Variants in CUX1 observed in about 807,000 individuals in gnomAD.
CUX1 encodes the protein cut like homeobox 1, also known as protein CASP.
CUX1 carries 31 observed loss-of-function variants against 158.8 expected under a neutral mutation model. The ratio of observed to expected loss-of-function variants is 0.20; its 90% CI spans 0.15 to 0.26. The LOEUF (loss-of-function observed/expected upper bound fraction) is 0.26, where lower values mean the gene tolerates loss of function less well. Among genes scored for constraint, CUX1 ranks in the 10% least tolerant of loss-of-function variants. The pLI, the probability that CUX1 is intolerant of heterozygous loss-of-function variation, is 1.00. For synonymous variants in CUX1, 879 were observed against 862.1 expected (o/e 1.02, Z -0.34); for missense variants, 1,589 against 2,014.6 (o/e 0.79, Z 4.04).
intron 2 of CUX1, among the ~76,000 whole-genome samples, chr7:101,926,707 G>C (rs114207810): frequency 6.6e-6 from 1 of 152,136 alleles, no homozygotes. Context: ...AAGTGGTGAC[G>C]TGCAGTGACC....
intron 12 of CUX1, among the ~76,000 whole-genome samples, chr7:102,191,658 C>A (rs566892970): frequency 2.0e-5 from 3 of 152,286 alleles, no homozygotes; most frequent in African/African-American, 7.2e-5. Flanking sequence ...GCTGCGAAGG[C>A]CTTTGCCCAG....
chr7:101,873,426 G>A (rs900334683), intron 1 of CUX1, among the ~76,000 whole-genome samples: 18 of 143,946 alleles, frequency 1.3e-4, no homozygotes, highest in Admixed American at 7.5e-5. Context: ...GGCCTAAAGC[G>A]ATCCTCCCAC....
At chr7:102,244,892 C>T (rs1181323679) in intron 23 of CUX1, among the ~76,000 whole-genome samples, 3 of 152,132 alleles carry the variant, frequency 2.0e-5, no homozygotes, top group African/African-American at 7.2e-5. Context: ...CCTGGAAGCT[C>T]ATCTTTCTAG....
At chr7:102,137,702 T>C (rs1222685205) in intron 8 of CUX1, among the ~76,000 whole-genome samples, 2 of 152,200 alleles carry the variant, frequency 1.3e-5, no homozygotes, top group African/African-American at 2.4e-5. Context: ...GATTACACTT[T>C]TAAATAGTAC....
rs558964032 is a variant in CUX1 at position 101,991,148 on chromosome 7, A to T, written c.142-36950A>T. ...GGGGAACGCTTCCCCCGGGTGGCTT[A>T]TGAGATCCAGTACTTCTAGTTTCAC... On this transcript the variant is annotated intron_variant, in intron 2 of 23. Coordinates refer to ENST00000292535, the MANE Select transcript of CUX1 (RefSeq NM_181552.4). Among the ~76,000 whole-genome samples the T allele has an allele frequency of 1.5e-3, 222 of 152,298 alleles. 1 individual carries two copies. The highest frequency in any genetic ancestry group is 5.2e-3 in the African/African-American group (215 of 41,586).
chr7:101,913,345 C>A, intron 1 of CUX1: 1 of 1,262,848 alleles, frequency 7.9e-7, no homozygotes, highest in Admixed American at 2.4e-5. Context: ...TGTCTGCGGG[C>A]ACGGGGAAGG....
At chr7:102,211,050 C>G (rs1343324214) in intron 20 of CUX1, among the ~76,000 whole-genome samples, 4 of 152,200 alleles carry the variant, frequency 2.6e-5, no homozygotes, top group Non-Finnish European at 5.9e-5. Context: ...AGTCGGCTCT[C>G]CCACATTCAT....
At chr7:102,265,380 GAAAC>G (rs1219445927) in intron 14 of CUX1, among the ~76,000 whole-genome samples, 3 of 150,450 alleles carry the variant, frequency 2.0e-5, no homozygotes, top group African/African-American at 7.3e-5. Context: ...GAGAAAGAAA[GAAAC>G]AGACTGTGTA....
At chr7:101,936,914 C>CT (rs1415952699) in intron 2 of CUX1, among the ~76,000 whole-genome samples, 1 of 152,192 alleles carries the variant, frequency 6.6e-6, no homozygotes, top group Non-Finnish European at 1.5e-5. Context: ...TAAAAACCTC[C>CT]TGGGTGTGTG....
intron 12 of CUX1, among the ~76,000 whole-genome samples, chr7:102,193,204 C>T (rs1554517454): frequency 6.6e-6 from 1 of 152,248 alleles, no homozygotes; most frequent in East Asian, 1.9e-4. Flanking sequence ...GTTCCCCTCT[C>T]TCTGGCTTCT....
At chr7:102,283,295 G>A in exon 23 of CUX1, 1 of 578,302 alleles carries the variant, frequency 1.7e-6, no homozygotes, top group Non-Finnish European at 3.1e-6. Flanking sequence ...CAGAGAGCGA[G>A]CCCCCAATGC....
chr7:101,917,269 C>T (rs1804330812), intron 2 of CUX1, among the ~76,000 whole-genome samples: 1 of 152,192 alleles, frequency 6.6e-6, no homozygotes, highest in Non-Finnish European at 1.5e-5. Context: ...TAAAATGTTT[C>T]AAAAGAGGCT....
intron 1 of CUX1, among the ~76,000 whole-genome samples, chr7:101,866,941 C>A (rs1797986400): frequency 6.6e-6 from 1 of 152,218 alleles, no homozygotes; most frequent in South Asian, 2.1e-4. Context: ...GTATTTGGGG[C>A]TGGGCATGGT....
chr7:101,879,865 A>G (rs1799539712), intron 1 of CUX1, among the ~76,000 whole-genome samples: 1 of 152,182 alleles, frequency 6.6e-6, no homozygotes, highest in South Asian at 2.1e-4. Context: ...CTGCTTCTGC[A>G]TGGGGGCGCA....
intron 8 of CUX1, among the ~76,000 whole-genome samples, chr7:102,134,409 A>G (rs1833667965): frequency 6.6e-6 from 1 of 152,216 alleles, no homozygotes; most frequent in South Asian, 2.1e-4. Context: ...TTAAAACATG[A>G]TTAGACTTCT....
Position 102,207,967 on chromosome 7 carries a change from C to T in CUX1, c.3130+2797C>T, listed in dbSNP as rs544818805. 2.6e-5 allele frequency among the ~76,000 whole-genome samples: 4 copies of T among 152,194 alleles called. No homozygotes were observed. In the South Asian group the frequency reaches 8.3e-4, roughly 32 times the overall value. On this transcript the variant is annotated intron_variant, in intron 20 of 23. Coordinates refer to ENST00000292535, the MANE Select transcript of CUX1 (RefSeq NM_181552.4). ...CTTTGGGAAGCCAAGGCAGACAGAT[C>T]ACCTGAACTTAGGAGTTCGAGACCA...
chr7:101,893,277 G>C, intron 1 of CUX1, among the ~76,000 whole-genome samples: 1 of 148,712 alleles, frequency 6.7e-6, no homozygotes, highest in Non-Finnish European at 1.5e-5. Context: ...CAAAGTGCTG[G>C]GATTACAGGC....
At chr7:102,015,759 C>T (rs1818514548) in intron 2 of CUX1, among the ~76,000 whole-genome samples, 1 of 152,162 alleles carries the variant, frequency 6.6e-6, no homozygotes, top group Non-Finnish European at 1.5e-5. Flanking sequence ...TCTGAGTTCA[C>T]GTGCTCCTTC....
intron 4 of CUX1, among the ~76,000 whole-genome samples, chr7:102,088,402 G>A (rs1156687959): frequency 1.3e-5 from 2 of 152,094 alleles, no homozygotes; most frequent in Non-Finnish European, 2.9e-5. Context: ...GGAGGCTGAG[G>A]CGGGCAGATC....
Sources: gnomAD v4.1 joint callset for allele counts (sites outside exome capture counted in the v4.1 genomes callset) on GRCh38, gnomAD v4.1.1 for gene constraint, MANE v1.5 for transcripts, NCBI Gene and HGNC (gene_info 2026-07-23, HGNC 2026-07-21) for gene names.